RARB: variants seen among roughly 807,000 people sequenced by gnomAD.
RARB encodes retinoic acid receptor beta.
A neutral mutation model predicts 51.9 loss-of-function variants in RARB; 17 were observed. The ratio of observed to expected loss-of-function variants is 0.33; its 90% CI spans 0.22 to 0.49. The LOEUF (loss-of-function observed/expected upper bound fraction) is 0.49, where lower values mean the gene tolerates loss of function less well. Ranked by LOEUF, RARB falls within the 20% of genes least tolerant of loss-of-function variation. The pLI is 0.99. For missense variants in RARB, 369 were observed against 550.8 expected (o/e 0.67, Z 3.30); for synonymous variants, 215 against 195.4 (o/e 1.10, Z -0.84).
chr3:25,025,351 T>C (rs1247141806), intron 2 of RARB, among the ~76,000 whole-genome samples: 3 of 152,192 alleles, frequency 2.0e-5, no homozygotes. Context: ...CTTCTCCTTT[T>C]GACTTGTCTG....
At chr3:25,044,121 T>TA (rs1698167146) in intron 2 of RARB, among the ~76,000 whole-genome samples, 1 of 152,192 alleles carries the variant, frequency 6.6e-6, no homozygotes, top group Non-Finnish European at 1.5e-5. Flanking sequence ...GGAAGAATTT[T>TA]AAACAGCAAA....
At position 25,281,586 on chromosome 3, in the gene RARB, A is replaced by G. The variant is rs538162057; in HGVS notation, c.178+107011A>G. On this transcript the variant is annotated intron_variant, in intron 5 of 11. Coordinates refer to the RARB transcript ENST00000383772. Reference sequence around the variant, plus strand: ...GCAATAGGATCTGTAGGCCAAACAAATGATCAGCACTGGGCTAACAATAGC... The same window carrying G: ...GCAATAGGATCTGTAGGCCAAACAAGTGATCAGCACTGGGCTAACAATAGC... 1.5e-3 allele frequency among the ~76,000 whole-genome samples: 227 copies of G among 152,328 alleles called. 1 individual carries two copies. The highest frequency in any genetic ancestry group is 5.2e-3 in the African/African-American group (218 of 41,574).
intron 1 of RARB, among the ~76,000 whole-genome samples, chr3:25,441,676 C>T (rs1344024131): frequency 1.3e-5 from 2 of 152,174 alleles, no homozygotes; most frequent in Non-Finnish European, 2.9e-5. Context: ...AGAAAAGTTA[C>T]AACAGCTTTA....
At chr3:25,507,227 T>C (rs1231760574) in intron 3 of RARB, among the ~76,000 whole-genome samples, 1 of 152,230 alleles carries the variant, frequency 6.6e-6, no homozygotes, top group Non-Finnish European at 1.5e-5. Context: ...GAATATAGCA[T>C]GAAGCTTTGC....
intron 5 of RARB, among the ~76,000 whole-genome samples, chr3:25,272,364 C>T (rs752191413): frequency 2.0e-5 from 3 of 152,138 alleles, no homozygotes; most frequent in Non-Finnish European, 4.4e-5. Flanking sequence ...CCATTGTCTG[C>T]CTGCCAAACA....
At chr3:25,025,592 G>A (rs1575124306) in intron 2 of RARB, among the ~76,000 whole-genome samples, 1 of 152,078 alleles carries the variant, frequency 6.6e-6, no homozygotes, top group East Asian at 1.9e-4. Context: ...AGGCCAGGAA[G>A]GTATTACAAA....
intron 2 of RARB, among the ~76,000 whole-genome samples, chr3:25,035,934 G>A (rs953044091): frequency 2.6e-5 from 4 of 152,198 alleles, no homozygotes; most frequent in Non-Finnish European, 5.9e-5. Context: ...ATGGTGAACT[G>A]CCATGGAGGG....
chr3:24,961,994 A>AGAG, intron 2 of RARB, among the ~76,000 whole-genome samples: 1 of 123,560 alleles, frequency 8.1e-6, no homozygotes, highest in African/African-American at 3.2e-5. Flanking sequence ...CAATGGCGCT[A>AGAG]TCATGGCTCA....
chr3:24,911,190 G>A (rs1334760319), intron 2 of RARB, among the ~76,000 whole-genome samples: 1 of 152,134 alleles, frequency 6.6e-6, no homozygotes, highest in Non-Finnish European at 1.5e-5. Flanking sequence ...TTCTCTCTCG[G>A]AAGAAAGTAC....
At chr3:25,241,715 T>C (rs1233535035) in intron 5 of RARB, among the ~76,000 whole-genome samples, 1 of 152,238 alleles carries the variant, frequency 6.6e-6, no homozygotes, top group Non-Finnish European at 1.5e-5. Flanking sequence ...CAGTCTAACA[T>C]TGATCGGCAT....
chr3:25,322,668 A>C (rs1269100616), intron 5 of RARB, among the ~76,000 whole-genome samples: 2 of 152,224 alleles, frequency 1.3e-5, no homozygotes. Flanking sequence ...TTGCATAAAC[A>C]GTAAAATCTG....
At chr3:24,833,110 T>G (rs557498353) in intron 1 of RARB, 1 of 152,282 alleles carries the variant, frequency 6.6e-6, no homozygotes, top group African/African-American at 2.4e-5. Flanking sequence ...CCTCCACCGC[T>G]TATGAAAACA....
At chr3:24,859,480 C>T (rs866649907) in intron 2 of RARB, among the ~76,000 whole-genome samples, 5 of 152,204 alleles carry the variant, frequency 3.3e-5, no homozygotes, top group South Asian at 2.1e-4. Context: ...TAAACAGACT[C>T]TTCTAAAGCA....
chr3:25,020,374 C>G (rs759811428), intron 2 of RARB: 3 of 151,994 alleles, frequency 2.0e-5, no homozygotes, highest in Admixed American at 1.3e-4. Context: ...CAGCAAAGTG[C>G]ACTACAGCCC....
chr3:24,975,648 T>A (rs772148651), intron 2 of RARB, among the ~76,000 whole-genome samples: 4 of 152,334 alleles, frequency 2.6e-5, no homozygotes, highest in Non-Finnish European at 5.9e-5. Context: ...TCCAATGCAA[T>A]AATTTTTAAA....
At chr3:25,162,780 A>G (rs990039632) in intron 4 of RARB, among the ~76,000 whole-genome samples, 3 of 152,216 alleles carry the variant, frequency 2.0e-5, no homozygotes, top group Admixed American at 2.0e-4. Context: ...TGGTCAATCA[A>G]TATAATTTTG....
intron 5 of RARB, among the ~76,000 whole-genome samples, chr3:25,323,462 TGA>T (rs1704628173): frequency 6.6e-6 from 1 of 152,360 alleles, no homozygotes; most frequent in East Asian, 1.9e-4. Context: ...CATAGTAATC[TGA>T]GTGACTGTAC....
chr3:24,926,697 A>T (rs1439067016), intron 2 of RARB, among the ~76,000 whole-genome samples: 1 of 152,060 alleles, frequency 6.6e-6, no homozygotes, highest in East Asian at 1.9e-4. Flanking sequence ...GTACATCATG[A>T]TGGAGATGAC....
At chr3:25,328,209 C>T (rs116706942) in intron 5 of RARB, among the ~76,000 whole-genome samples, 4,168 of 152,272 alleles carry the variant, frequency 0.027, 152 homozygotes, top group East Asian at 0.096. Flanking sequence ...TCAGGATAAA[C>T]GGATGAGCGA....
Sources: allele counts gnomAD v4.1 joint callset (sites outside exome capture counted in the v4.1 genomes callset), GRCh38; gene constraint gnomAD v4.1.1; transcripts MANE v1.5; gene names NCBI Gene and HGNC (gene_info 2026-07-23, HGNC 2026-07-21).